Variants in FBXL17 observed in about 807,000 individuals in gnomAD.
FBXL17 encodes F-box and leucine rich repeat protein 17.
FBXL17 carries 22 observed loss-of-function variants against 66.2 expected under a neutral mutation model. The observed-to-expected ratio is 0.33, with a 90% CI of 0.24 to 0.47. The LOEUF is 0.47. Among genes scored for constraint, FBXL17 ranks in the 20% least tolerant of loss-of-function variants. The pLI is 1.00. For synonymous variants in FBXL17, 474 were observed against 400.5 expected, an observed-to-expected ratio of 1.18 and a Z score of -2.19; for missense variants, 878 against 948.2, an observed-to-expected ratio of 0.93 and a Z score of 0.97.
At chr5:108,340,195 G>A (rs1355985371) in intron 4 of FBXL17, among the ~76,000 whole-genome samples, 1 of 151,116 alleles carries the variant, frequency 6.6e-6, no homozygotes, top group Non-Finnish European at 1.5e-5. Flanking sequence ...ATACGATCTA[G>A]CAAAGAATTT....
chr5:108,124,286 T>C (rs1173995266), intron 6 of FBXL17, among the ~76,000 whole-genome samples: 2 of 151,968 alleles, frequency 1.3e-5, no homozygotes, highest in Admixed American at 6.6e-5. Context: ...ATATGAAATA[T>C]GTTAAAAAAA....
chr5:108,197,036 G>A (rs1753707545), intron 5 of FBXL17, among the ~76,000 whole-genome samples: 1 of 152,136 alleles, frequency 6.6e-6, no homozygotes, highest in Non-Finnish European at 1.5e-5. Flanking sequence ...CAGAATGGAT[G>A]CTCTGCTCCT....
chr5:108,003,800 G>A (rs1441819316), intron 7 of FBXL17, among the ~76,000 whole-genome samples: 3 of 151,994 alleles, frequency 2.0e-5, no homozygotes, highest in Admixed American at 2.0e-4. Context: ...TATAGCATAG[G>A]GATGGATAAA....
At chr5:108,234,708 C>G (rs1755519813) in intron 4 of FBXL17, among the ~76,000 whole-genome samples, 1 of 152,078 alleles carries the variant, frequency 6.6e-6, no homozygotes, top group Non-Finnish European at 1.5e-5. Flanking sequence ...GTATGATAGT[C>G]TTGTATGTCC....
At chr5:107,932,217 T>C (rs1561326829) in intron 7 of FBXL17, among the ~76,000 whole-genome samples, 1 of 152,216 alleles carries the variant, frequency 6.6e-6, no homozygotes, top group African/African-American at 2.4e-5. Context: ...TAAATTTCAC[T>C]GAATGAAATG....
chr5:108,289,732 T>A (rs1265950898), intron 4 of FBXL17, among the ~76,000 whole-genome samples: 1 of 152,120 alleles, frequency 6.6e-6, no homozygotes, highest in Admixed American at 6.6e-5. Flanking sequence ...AATTTCTTAA[T>A]ATCTAAGTTC....
At chr5:108,218,646 T>C (rs1561470779) in intron 5 of FBXL17, among the ~76,000 whole-genome samples, 3 of 152,110 alleles carry the variant, frequency 2.0e-5, no homozygotes, top group Admixed American at 1.3e-4. Context: ...TGATATCTCA[T>C]TGTGGTTTTA....
chr5:108,351,288 T>C (rs376126434), intron 3 of FBXL17, among the ~76,000 whole-genome samples: 2 of 152,010 alleles, frequency 1.3e-5, no homozygotes, highest in African/African-American at 2.4e-5. Flanking sequence ...GAAGGAAGTA[T>C]AAGTGAGCTA....
rs1748801178 is a variant in FBXL17, at chr5:107,881,738, G to A, written c.1823-559C>T. Among the ~76,000 whole-genome samples the A allele has an allele frequency of 4.6e-5, 7 of 152,162 alleles. No homozygotes were observed. The South Asian group carries it at 1.4e-3, about 31-fold the overall frequency. On this transcript the variant is annotated intron_variant, in intron 7 of 8. Transcript: ENST00000542267. ...TTAAGAGTACATCATACATACTGCT[G>A]ATTTTAATTGGTGCCATGCTAGAGT...
At chr5:108,052,711 G>A (rs1411427690) in intron 6 of FBXL17, among the ~76,000 whole-genome samples, 1 of 152,118 alleles carries the variant, frequency 6.6e-6, no homozygotes, top group Non-Finnish European at 1.5e-5. Flanking sequence ...AATTTCATAT[G>A]GAATTAAAGA....
intron 7 of FBXL17, among the ~76,000 whole-genome samples, chr5:108,003,918 AG>A (rs1393257144): frequency 3.3e-5 from 5 of 152,196 alleles, no homozygotes; most frequent in African/African-American, 1.2e-4. Context: ...TGAGAAAATA[AG>A]GTTTGAAACT....
intron 4 of FBXL17, among the ~76,000 whole-genome samples, chr5:108,231,370 T>C (rs1010888350): frequency 1.3e-5 from 2 of 152,152 alleles, no homozygotes; most frequent in Non-Finnish European, 2.9e-5. Context: ...CTGCTCCCTA[T>C]CTCTATACTT....
intron 7 of FBXL17, among the ~76,000 whole-genome samples, chr5:107,985,498 T>G (rs1485966918): frequency 6.6e-6 from 1 of 152,222 alleles, no homozygotes; most frequent in Non-Finnish European, 1.5e-5. Context: ...ATATCTATTC[T>G]CTCTATGCCT....
chr5:108,107,587 C>T (rs1434864830), intron 6 of FBXL17, among the ~76,000 whole-genome samples: 1 of 151,850 alleles, frequency 6.6e-6, no homozygotes, highest in African/African-American at 2.4e-5. Flanking sequence ...CCAAGGCGGG[C>T]AGATCACGAG....
chr5:108,192,662 C>T (rs770785094), intron 5 of FBXL17, among the ~76,000 whole-genome samples: 3 of 152,052 alleles, frequency 2.0e-5, no homozygotes, highest in South Asian at 2.1e-4. Flanking sequence ...CATGGTCAGG[C>T]GTACCTGTAA....
chr5:108,041,394 A>T (rs1447502434), intron 6 of FBXL17, among the ~76,000 whole-genome samples: 3 of 152,010 alleles, frequency 2.0e-5, no homozygotes, highest in Non-Finnish European at 4.4e-5. Context: ...ACACTAAGCA[A>T]ATTGCCTTTT....
At chr5:108,340,119 T>C (rs371788540) in intron 4 of FBXL17, among the ~76,000 whole-genome samples, 1 of 150,052 alleles carries the variant, frequency 6.7e-6, no homozygotes, top group East Asian at 1.9e-4. Context: ...CCTGCCAAGC[T>C]ATGTGATTAA....
intron 4 of FBXL17, among the ~76,000 whole-genome samples, chr5:108,307,956 T>C (rs1030540354): frequency 2.6e-5 from 4 of 152,146 alleles, no homozygotes; most frequent in African/African-American, 9.6e-5. Flanking sequence ...ATTTAAGTAG[T>C]GTGTAACGGA....
intron 2 of FBXL17, among the ~76,000 whole-genome samples, chr5:108,365,816 G>A (rs900036597): frequency 2.0e-5 from 3 of 151,816 alleles, no homozygotes; most frequent in African/African-American, 7.3e-5. Context: ...TTGTTAGTGT[G>A]GAAAAACTCC....
Sources: gnomAD v4.1 joint callset for allele counts (sites outside exome capture counted in the v4.1 genomes callset) on GRCh38, gnomAD v4.1.1 for gene constraint, MANE v1.5 for transcripts, NCBI Gene and HGNC (gene_info 2026-07-23, HGNC 2026-07-21) for gene names.